RBM6: variants seen among roughly 807,000 people sequenced by gnomAD.
RBM6 encodes the protein RNA binding motif protein 6.
In RBM6, 23 loss-of-function variants were observed where a neutral mutation model predicts 140.4. That is an observed-to-expected ratio of 0.16 (90% confidence interval 0.12 to 0.23). RBM6 has a LOEUF of 0.23. RBM6 is among the 10% of genes least tolerant of loss of function. The pLI is 1.00. For synonymous variants in RBM6, 439 were observed against 475.6 expected (o/e 0.92, Z 1.00); for missense variants, 1,139 against 1,386.7 (o/e 0.82, Z 2.84).
rs2089613893 is a variant in RBM6 at position 50,054,350 on chromosome 3, G to C, written c.1648G>C (p.Gly550Arg). 1 of 1,612,528 alleles carries C rather than the reference G, an allele frequency of 6.2e-7. No individual in the cohort carries two copies. The highest frequency in any genetic ancestry group is 8.5e-7 in the Non-Finnish European group (1 of 1,178,666). ...WYCKRCKANI[G>R]GHRSSCSFCK... ...TTCCTTACAGTGTAAGGCAAACATT[G>C]GTGGGCACCGATCTTCCTGTTCATT... The change falls in exon 8 of 21, where the codon GGT becomes CGT. Residue 550 changes from glycine (G) to arginine (R), a missense_variant. Gly to Arg is a moderately radical substitution (Grantham distance 125). Around this residue, in one of 9 missense-constraint regions of RBM6, gnomAD observed 58 missense variants for 99.7 expected, o/e 0.58. Transcript: ENST00000266022.
At chr3:50,054,175 C>A in intron 7 of RBM6, 160 bp from the exon 8 acceptor site, 2 of 622,900 alleles carry the variant, frequency 3.2e-6, no homozygotes, top group Non-Finnish European at 5.7e-6. Flanking sequence ...ATCCCATCTG[C>A]CAGCTCTAAT....
chr3:50,026,111 G>T (rs551231214), intron 6 of RBM6, among the ~76,000 whole-genome samples: 2 of 151,886 alleles, frequency 1.3e-5, no homozygotes, highest in South Asian at 4.2e-4. Flanking sequence ...TTTTGAGACG[G>T]AATCTCGCCG....
At position 49,962,870 on chromosome 3, in the gene RBM6, G is replaced by A; in HGVS notation, c.44+185G>A. The A allele has an allele frequency of 6.1e-6, 3 of 488,814 alleles. No individual in the cohort carries two copies. The South Asian group carries it at 8.0e-5, about 13-fold the overall frequency. The allele number at this position is 488,814 out of a possible 1,614,324, so 30.3% of individuals were successfully genotyped here. ...CCCAGCACTTTGGGAGGCTGAGGCG[G>A]GCAGATCATGAGGTCAGGAGATCGA... On this transcript the variant is annotated intron_variant, in intron 2 of 20. Coordinates refer to ENST00000266022, the MANE Select transcript of RBM6 (RefSeq NM_005777.3).
At chr3:49,982,448 CTT>C (rs956924175) in intron 5 of RBM6, among the ~76,000 whole-genome samples, 3 of 151,772 alleles carry the variant, frequency 2.0e-5, no homozygotes, top group African/African-American at 7.3e-5. Context: ...GAGTTTCACT[CTT>C]GTTGCCCAGG....
At chr3:50,067,653 G>T (rs972583382) in intron 17 of RBM6, among the ~76,000 whole-genome samples, 1 of 152,158 alleles carries the variant, frequency 6.6e-6, no homozygotes, top group Non-Finnish European at 1.5e-5. Context: ...ACATACATTG[G>T]TCTTCCCCTG....
intron 17 of RBM6, 38 bp downstream of exon 17, chr3:50,066,540 A>G: frequency 1.3e-6 from 2 of 1,588,880 alleles, no homozygotes; most frequent in Non-Finnish European, 1.7e-6. Context: ...CAAACTGTTG[A>G]CTCTTGGCCG....
intron 5 of RBM6, among the ~76,000 whole-genome samples, chr3:49,995,994 A>G (rs932677822): frequency 6.6e-6 from 1 of 152,038 alleles, no homozygotes; most frequent in Non-Finnish European, 1.5e-5. Flanking sequence ...GCATTTTCTG[A>G]TTTTTGTATG....
intron 5 of RBM6, among the ~76,000 whole-genome samples, chr3:49,994,189 A>G (rs2085960837): frequency 6.6e-6 from 1 of 151,920 alleles, no homozygotes; most frequent in Admixed American, 6.6e-5. Context: ...TCAGCCTCTT[A>G]AGTAGCTGGG....
intron 6 of RBM6, among the ~76,000 whole-genome samples, chr3:50,004,893 T>C (rs914887166): frequency 6.6e-6 from 1 of 152,140 alleles, no homozygotes; most frequent in Non-Finnish European, 1.5e-5. Flanking sequence ...CCTGCCAAAT[T>C]GCTGGGATTA....
At chr3:50,012,559 G>A (rs894947599) in intron 6 of RBM6, among the ~76,000 whole-genome samples, 1 of 151,302 alleles carries the variant, frequency 6.6e-6, no homozygotes, top group Admixed American at 6.6e-5. Context: ...GGGTTTCACC[G>A]TGTTAGCCAG....
intron 15 of RBM6, among the ~76,000 whole-genome samples, chr3:50,064,581 G>A (rs1302591140): frequency 1.3e-5 from 2 of 151,824 alleles, no homozygotes; most frequent in African/African-American, 2.4e-5. Context: ...GCACGATCTC[G>A]GCTCACTGCA....
intron 15 of RBM6, among the ~76,000 whole-genome samples, 192 bp from the exon 16 acceptor site, chr3:50,064,839 A>AT (rs1372379349): frequency 2.6e-5 from 4 of 151,994 alleles, no homozygotes; most frequent in African/African-American, 9.7e-5. Flanking sequence ...CGCCCAGCTA[A>AT]TTTTTTGTAT....
rs1437600341 is a variant in RBM6, at chr3:49,985,752, G to A, written c.1483+10360G>A. On this transcript the variant is annotated intron_variant, in intron 5 of 20. Coordinates refer to ENST00000266022, the MANE Select transcript of RBM6 (RefSeq NM_005777.3). Reference sequence around the variant, plus strand: ...CTCCCGAGTAGCTGGGACTACAGGCGCCTGCCACCACGCCCGGCTAATTTT... The same window carrying A: ...CTCCCGAGTAGCTGGGACTACAGGCACCTGCCACCACGCCCGGCTAATTTT... Among the ~76,000 whole-genome samples, 9 of 151,792 alleles carry A rather than the reference G, an allele frequency of 5.9e-5. No individual in the cohort carries two copies. In the South Asian group the frequency reaches 1.9e-3, roughly 32 times the overall value.
chr3:49,999,579 T>A, intron 6 of RBM6, 66 bp downstream of exon 6: 13 of 1,171,066 alleles, frequency 1.1e-5, no homozygotes, highest in Non-Finnish European at 1.7e-5. Flanking sequence ...GGAGGGAGGG[T>A]TTCAAATGAT....
At chr3:50,042,808 A>AT (rs1389531939) in intron 6 of RBM6, among the ~76,000 whole-genome samples, 1 of 152,050 alleles carries the variant, frequency 6.6e-6, no homozygotes, top group African/African-American at 2.4e-5. Flanking sequence ...ATGGGAGCAT[A>AT]TGGTAGAGTT....
chr3:50,038,068 C>A (rs934512069), intron 6 of RBM6, among the ~76,000 whole-genome samples: 1 of 151,928 alleles, frequency 6.6e-6, no homozygotes. Flanking sequence ...GTGATCCACC[C>A]GCCTCAGCCT....
intron 6 of RBM6, among the ~76,000 whole-genome samples, chr3:50,033,117 A>C (rs985698661): frequency 6.6e-6 from 1 of 151,568 alleles, no homozygotes; most frequent in African/African-American, 2.4e-5. Context: ...GCCAACATGG[A>C]GAAACCCAGT....
At chr3:49,994,131 ATG>A (rs1181543714) in intron 5 of RBM6, among the ~76,000 whole-genome samples, 4 of 152,202 alleles carry the variant, frequency 2.6e-5, no homozygotes, top group Non-Finnish European at 4.4e-5. Context: ...TAGGCCAGTC[ATG>A]GCTCACTGTA....
At chr3:49,955,269 C>T (rs2083927846) in intron 1 of RBM6, among the ~76,000 whole-genome samples, 1 of 140,690 alleles carries the variant, frequency 7.1e-6, no homozygotes, top group Non-Finnish European at 1.5e-5. Flanking sequence ...GGGATCAAGC[C>T]TCGGGATCCT....
Sources: gnomAD v4.1 joint callset for allele counts (sites outside exome capture counted in the v4.1 genomes callset) on GRCh38, gnomAD v4.1.1 for gene constraint, gnomAD v4.1.1 regional missense constraint, MANE v1.5 for transcripts, NCBI Gene and HGNC (gene_info 2026-07-23, HGNC 2026-07-21) for gene names.